YBX3: variants seen among roughly 807,000 people sequenced by gnomAD.
The protein encoded by YBX3 is Y-box binding protein 3.
Under a neutral mutation model 42.4 loss-of-function variants are expected in YBX3, and 29 were observed. That is an observed-to-expected ratio of 0.68 (90% CI 0.51 to 0.93). The LOEUF is 0.93. Ranked by LOEUF, YBX3 falls within the 40% of genes least tolerant of loss-of-function variation. YBX3 has a pLI of 0.00. For synonymous variants in YBX3, 195 were observed against 189.8 expected, an observed-to-expected ratio of 1.03 and a Z score of -0.22; for missense variants, 517 against 527.5, an observed-to-expected ratio of 0.98 and a Z score of 0.19.
chr12:10,710,932 T>C (rs912288323), intron 5 of YBX3: 1 of 158,710 alleles, frequency 6.3e-6, no homozygotes, highest in African/African-American at 2.4e-5. Context: ...TTAATATAAA[T>C]AAACATTGAC....
chr12:10,701,397 C>T (rs1399145615), intron 8 of YBX3, 44 bp from the exon 9 acceptor site: 1 of 778,258 alleles, frequency 1.3e-6, no homozygotes. Flanking sequence ...AGTCAGATGA[C>T]AGTGGAAAGT....
intron 1 of YBX3, chr12:10,722,392 G>A (rs537054964): frequency 8.2e-4 from 126 of 153,116 alleles, no homozygotes; most frequent in African/African-American, 2.8e-3. Context: ...CTTCCCCAAA[G>A]GAAATGCTCT....
rs781300126 is a variant in YBX3, at chr12:10,701,364, A to G, written c.1054-11T>C. 10 of 780,948 alleles carry G rather than the reference A, an allele frequency of 1.3e-5. No homozygotes were observed. The highest frequency in any genetic ancestry group is 2.4e-5 in the Non-Finnish European group (10 of 418,136). The allele number at this position is 780,948 out of a possible 1,614,324, so 48.4% of individuals were successfully genotyped here. On this transcript the variant is annotated splice_polypyrimidine_tract_variant and intron_variant, in intron 8 of 9. Transcript: ENST00000228251. ...TTCACCTGCCTTGGCCTAAAATGCAAAACAAAGCCATAAATCAGATAAAGT... is the reference window on the plus strand; with the variant it reads ...TTCACCTGCCTTGGCCTAAAATGCAGAACAAAGCCATAAATCAGATAAAGT...
rs1948051583 is a variant in YBX3 at position 10,699,178 on chromosome 12, C to A, written c.*511G>T. The A allele has an allele frequency of 6.6e-6, 1 of 152,346 alleles. No homozygotes were observed. Among genetic ancestry groups the A allele is most frequent in the Admixed American group, 6.6e-5 (1 of 15,240 alleles). The allele number at this position is 152,346 out of a possible 1,614,324, so 9.4% of individuals were successfully genotyped here. ...CATAAGAAAGCAAAAATGTTATCCTCCCCTCATCCTAGAAATAAATAAGAA... is the reference window on the plus strand; with the variant it reads ...CATAAGAAAGCAAAAATGTTATCCTACCCTCATCCTAGAAATAAATAAGAA... On this transcript the variant is annotated 3_prime_UTR_variant, in exon 10 of 10. Transcript: ENST00000228251.
intron 6 of YBX3, among the ~76,000 whole-genome samples, chr12:10,708,450 C>T (rs1420248404): frequency 2.6e-5 from 4 of 152,148 alleles, no homozygotes; most frequent in African/African-American, 7.2e-5. Flanking sequence ...TAAGAGAACA[C>T]ACTGACAACC....
chr12:10,715,798 G>T lies in YBX3; in HGVS notation c.361-15C>A. The T allele has an allele frequency of 6.2e-7, 1 of 1,608,408 alleles. No homozygotes were observed. The highest frequency in any genetic ancestry group is 8.5e-7 in the Non-Finnish European group (1 of 1,175,088). On this transcript the variant is annotated splice_polypyrimidine_tract_variant and intron_variant, in intron 3 of 9. Coordinates refer to ENST00000228251, the MANE Select transcript of YBX3 (RefSeq NM_003651.5). ...TTGATGGCAGTCTGGAAAGAGAACA[G>T]AAAATTTTATTCGATGTATATTTCA...
At chr12:10,709,674 T>C (rs548337094) in intron 6 of YBX3, among the ~76,000 whole-genome samples, 9 of 152,352 alleles carry the variant, frequency 5.9e-5, no homozygotes, top group African/African-American at 2.2e-4. Flanking sequence ...ACTAGAAACT[T>C]TGGCCATAAG....
chr12:10,708,674 G>A (rs1398082804), intron 6 of YBX3, among the ~76,000 whole-genome samples: 1 of 152,202 alleles, frequency 6.6e-6, no homozygotes, highest in East Asian at 1.9e-4. Context: ...TTAAGTTACA[G>A]GAATAAGCGT....
intron 1 of YBX3, 131 bp from the exon 2 acceptor site, chr12:10,719,274 A>C (rs1262550710): frequency 4.1e-6 from 3 of 728,286 alleles, no homozygotes; most frequent in Non-Finnish European, 6.5e-6. Context: ...TAATTCCAAA[A>C]TACTTTAGAA....
chr12:10,718,153 G>A, intron 2 of YBX3, 32 bp from the exon 3 acceptor site: 3 of 1,603,446 alleles, frequency 1.9e-6, no homozygotes, highest in Non-Finnish European at 1.7e-6. Context: ...ACAATTAAAG[G>A]TAGTACGTAT....
chr12:10,706,324 T>C (rs1478561007), intron 6 of YBX3, among the ~76,000 whole-genome samples: 5 of 152,188 alleles, frequency 3.3e-5, no homozygotes. Flanking sequence ...TACTACCCCA[T>C]TTCTTTACAG....
At position 10,710,043 on chromosome 12, in the gene YBX3, C is replaced by T. The variant is rs1292670134; in HGVS notation, c.645G>A (p.Gln215=). The T allele has an allele frequency of 1.2e-6, 2 of 1,614,144 alleles. No individual in the cohort carries two copies. Among genetic ancestry groups the T allele is most frequent in the Non-Finnish European group, 1.7e-6 (2 of 1,179,990 alleles). Residue 215 remains glutamine (Q), a synonymous_variant, in exon 6 of 10, where the codon CAG becomes CAA. Coordinates refer to ENST00000228251, the MANE Select transcript of YBX3 (RefSeq NM_003651.5). ...GCAGCTGATTCCGGGCCCCAGAGAA[C>T]TGCCTATCAGTGGCAGGGGGGTCAA... ...EGFDPPATDR[Q]FSGARNQLRR... is the part of the protein sequence containing the mutation.
intron 1 of YBX3, among the ~76,000 whole-genome samples, chr12:10,721,631 C>G (rs1276955362): frequency 6.6e-6 from 1 of 151,712 alleles, no homozygotes; most frequent in African/African-American, 2.4e-5. Context: ...TAGTAAAAGC[C>G]CTAGAAAAAA....
chr12:10,711,736 T>C (rs149006016), intron 5 of YBX3: 1 of 152,378 alleles, frequency 6.6e-6, no homozygotes, highest in African/African-American at 2.4e-5. Flanking sequence ...TTAAGAGTTT[T>C]AACAATTTTG....
At chr12:10,699,780 A>G (rs564828187) in intron 9 of YBX3, 126 bp from the exon 10 acceptor site, 91 of 152,738 alleles carry the variant, frequency 6.0e-4, no homozygotes, top group African/African-American at 2.1e-3. Flanking sequence ...TCTAAATACA[A>G]TCACATCTTG....
intron 6 of YBX3, among the ~76,000 whole-genome samples, chr12:10,706,613 A>T (rs1948139944): frequency 6.6e-6 from 1 of 152,008 alleles, no homozygotes; most frequent in African/African-American, 2.4e-5. Context: ...CATCTTCCTA[A>T]TCTTTAATCG....
rs1355026784 is a variant in YBX3 at position 10,715,721 on chromosome 12, T to A, written c.423A>T (p.Val141=). Residue 141 remains valine, a synonymous_variant, in exon 4 of 10, where the codon GTA becomes GTT. Coordinates refer to ENST00000228251, the MANE Select transcript of YBX3 (RefSeq NM_003651.5). ...YLRSVGDGET[V]EFDVVEGEKG... ...TCTCTCCTTCAACCACATCAAACTC[T>A]ACAGTTTCTCCATCTCCTACACTGC... is the stretch of plus-strand genomic sequence containing the variant. 1 of 1,613,964 alleles carries A rather than the reference T, an allele frequency of 6.2e-7. No individual in the cohort carries two copies. Among genetic ancestry groups the A allele is most frequent in the African/African-American group, 1.3e-5 (1 of 74,914 alleles).
At chr12:10,711,764 C>A (rs1485751486) in intron 5 of YBX3, 1 of 152,156 alleles carries the variant, frequency 6.6e-6, no homozygotes, top group Non-Finnish European at 1.5e-5. Flanking sequence ...AGCGTTTTAA[C>A]AATTTTGTTT....
chr12:10,704,207 C>A, intron 6 of YBX3, 59 bp from the exon 7 acceptor site: 1 of 1,410,906 alleles, frequency 7.1e-7, no homozygotes, highest in Admixed American at 1.9e-5. Flanking sequence ...AGATACAGTG[C>A]ATACAGCTAT....
Sources: gnomAD v4.1 joint callset for allele counts (sites outside exome capture counted in the v4.1 genomes callset) on GRCh38, gnomAD v4.1.1 for gene constraint, MANE v1.5 for transcripts, NCBI Gene and HGNC (gene_info 2026-07-23, HGNC 2026-07-21) for gene names.